The following CDKL5 variants were observed in gnomAD, a reference collection of about 807,000 sequenced individuals.
The protein encoded by CDKL5 is cyclin dependent kinase like 5.
CDKL5 carries 8 observed loss-of-function variants against 61.7 expected under a neutral mutation model. The ratio of observed to expected loss-of-function variants is 0.13; its 90% CI spans 0.08 to 0.23. The LOEUF is 0.23. CDKL5 is among the 10% of genes least tolerant of loss of function. The probability of loss-of-function intolerance (pLI) is 1.00; values close to 1 mark genes in which losing one functional copy is unlikely to be tolerated. For missense variants in CDKL5, 440 were observed against 734.5 expected, an observed-to-expected ratio of 0.60 and a Z score of 4.63; for synonymous variants, 275 against 272.3, an observed-to-expected ratio of 1.01 and a Z score of -0.10.
intron 10 of CDKL5, among the ~76,000 whole-genome samples, chrX:18,595,911 T>C (rs1431216298): frequency 1.8e-5 from 2 of 111,972 alleles, no homozygotes; most frequent in Non-Finnish European, 3.8e-5. Flanking sequence ...GCTAATGCTG[T>C]GGCCTGAGTG....
At chrX:18,505,824 G>T (rs935859737) in intron 1 of CDKL5, among the ~76,000 whole-genome samples, 1 of 112,500 alleles carries the variant, frequency 8.9e-6, no homozygotes, top group Non-Finnish European at 1.9e-5. Context: ...TAGGTATCTT[G>T]TGGATACTTT....
chrX:18,604,862 A>T lies in CDKL5; in HGVS notation c.1938A>T (p.Ser646=). 8.3e-7 allele frequency: 1 copy of T among 1,211,191 alleles called. No individual in the cohort carries two copies. The highest frequency in any genetic ancestry group is 1.1e-6 in the Non-Finnish European group (1 of 895,356). Residue 646 remains serine, a synonymous_variant, in exon 12 of 18, where the codon TCA becomes TCT. Coordinates refer to ENST00000623535, the MANE Select transcript of CDKL5 (RefSeq NM_001323289.2). ...AARANSLQLL[S]PQPGEQLPPE... ...GAGCCAACAGCCTGCAACTCTTGTC[A>T]CCCCAGGTACAGTTGAGCACCTTGA...
downstream of CDKL5, chrX:18,641,874 T>C (rs1342337077): frequency 7.9e-6 from 5 of 634,568 alleles, no homozygotes; most frequent in Non-Finnish European, 9.6e-6. Flanking sequence ...AAAAAAATTA[T>C]CTACCCAGCA....
intron 21 of CDKL5, among the ~76,000 whole-genome samples, chrX:18,652,420 G>C (rs1245974352): frequency 8.9e-6 from 1 of 112,390 alleles, no homozygotes; most frequent in East Asian, 2.8e-4. Flanking sequence ...TGTAATCCCA[G>C]CACTTTGGGA....
At chrX:18,460,477 G>C (rs944777368) in intron 1 of CDKL5, among the ~76,000 whole-genome samples, 1 of 111,157 alleles carries the variant, frequency 9.0e-6, no homozygotes, top group South Asian at 3.8e-4. Flanking sequence ...CCATATCAAG[G>C]TTCTTTTTAT....
chrX:18,622,911 T>C lies in CDKL5; in HGVS notation c.2377-2217T>C, dbSNP rs184539758. On this transcript the variant is annotated intron_variant, in intron 16 of 17. Transcript: ENST00000623535. ...GTTCCTGTCATTGGAACAAGAAAATTTGTGGGATGTTTTACTCAAATCCCT... is the reference window on the plus strand; with the variant it reads ...GTTCCTGTCATTGGAACAAGAAAATCTGTGGGATGTTTTACTCAAATCCCT... 9.4e-3 allele frequency among the ~76,000 whole-genome samples: 1,049 copies of C among 112,065 alleles called. 7 individuals carry two copies. The highest frequency in any genetic ancestry group is 0.014 in the Non-Finnish European group (736 of 53,169).
At chrX:18,470,390 AAAG>A (rs1431800544) in intron 1 of CDKL5, among the ~76,000 whole-genome samples, 3 of 108,866 alleles carry the variant, frequency 2.8e-5, no homozygotes, top group Admixed American at 9.8e-5. Context: ...AAAAAAAAAA[AAAG>A]AAGTAAATGG....
chrX:18,459,526 C>T (rs982244077), intron 1 of CDKL5, among the ~76,000 whole-genome samples: 1 of 108,094 alleles, frequency 9.3e-6, no homozygotes, highest in Non-Finnish European at 1.9e-5. Context: ...CGCGCCACTG[C>T]ACTCCGGCCT....
In CDKL5 at chrX:18,604,447, T is replaced by C. The variant is rs201893287; in HGVS notation, c.1523T>C (p.Ile508Thr). ...AACCTTTCTGAAGCCAGGGCCCAAA[T>C]TGCGGAGCCCAGTACCAGTAGGTAC... ...VSNLSEARAQ[I>T]AEPSTSRYFP... is the part of the protein sequence containing the mutation. The change falls in exon 12 of 18, where the codon ATT (isoleucine) becomes ACT (threonine). Residue 508 changes from isoleucine to threonine, a missense_variant. Physicochemically the swap from Ile to Thr is moderately conservative, Grantham distance 89. This residue lies in a region of CDKL5 where 363 missense variants were observed against 516.3 expected (regional missense o/e 0.70). Coordinates refer to ENST00000623535, the MANE Select transcript of CDKL5 (RefSeq NM_001323289.2). 1.7e-4 allele frequency: 200 copies of C among 1,209,743 alleles called. No homozygotes were observed. Among genetic ancestry groups the C allele is most frequent in the Non-Finnish European group, 2.1e-4 (184 of 895,043 alleles).
At chrX:18,612,670 A>G (rs1926592256) in intron 14 of CDKL5, among the ~76,000 whole-genome samples, 1 of 106,100 alleles carries the variant, frequency 9.4e-6, no homozygotes, top group African/African-American at 3.5e-5. Flanking sequence ...AAAAAAAAAG[A>G]GAGAGAGAAA....
chrX:18,451,544 G>A (rs2075498550), intron 1 of CDKL5, among the ~76,000 whole-genome samples: 1 of 110,559 alleles, frequency 9.0e-6, no homozygotes, highest in Non-Finnish European at 1.9e-5. Context: ...TAATTTAATT[G>A]ATTAATTTTT....
chrX:18,584,378 T>G (rs1569214898), intron 8 of CDKL5, 25 bp downstream of exon 8: 1 of 977,786 alleles, frequency 1.0e-6, no homozygotes, highest in East Asian at 3.0e-5. Context: ...CAAAATAGAA[T>G]GACATTTCCA....
intron 1 of CDKL5, among the ~76,000 whole-genome samples, chrX:18,491,529 C>G (rs1273439392): frequency 2.7e-5 from 3 of 111,449 alleles, no homozygotes; most frequent in Admixed American, 9.6e-5. Context: ...AAAATATTAA[C>G]AAAGTTTAGC....
At chrX:18,624,913 T>C (rs2147175643) in intron 16 of CDKL5, among the ~76,000 whole-genome samples, 1 of 111,903 alleles carries the variant, frequency 8.9e-6, no homozygotes, top group African/African-American at 3.2e-5. Context: ...TGCCAATTTT[T>C]CCTAATGCAG....
At chrX:18,450,578 G>A (rs1357481797) in intron 1 of CDKL5, among the ~76,000 whole-genome samples, 1 of 111,278 alleles carries the variant, frequency 9.0e-6, no homozygotes, top group Non-Finnish European at 1.9e-5. Context: ...GTTACATTTT[G>A]AGGCTTTTTT....
At chrX:18,616,870 C>G (rs1012407247) in intron 15 of CDKL5, among the ~76,000 whole-genome samples, 7 of 110,726 alleles carry the variant, frequency 6.3e-5, no homozygotes, top group Non-Finnish European at 9.4e-5. Flanking sequence ...CAGAGTAATG[C>G]TCCTCACCAC....
Position 18,464,140 on chromosome X carries a change from A to G in CDKL5, c.-163+38445A>G, listed in dbSNP as rs531279894. On this transcript the variant is annotated intron_variant, in intron 1 of 17. Coordinates refer to ENST00000623535, the MANE Select transcript of CDKL5 (RefSeq NM_001323289.2). Reference sequence around the variant, plus strand: ...TATGAGAGAGCACTAGATATTTTCCAGTTACTTTACTTATTACCAATCTGA... The same window carrying G: ...TATGAGAGAGCACTAGATATTTTCCGGTTACTTTACTTATTACCAATCTGA... Among the ~76,000 whole-genome samples, 14 of 110,311 alleles carry G rather than the reference A, an allele frequency of 1.3e-4. No homozygotes were observed. The Admixed American group carries it at 1.4e-3, about 11-fold the overall frequency.
rs750677699 is a variant in CDKL5 at position 18,510,105 on chromosome X, G to C, written c.65-715G>C. 2.7e-5 allele frequency among the ~76,000 whole-genome samples: 3 copies of C among 110,764 alleles called. No homozygotes were observed. The Admixed American group carries it at 2.9e-4, about 11-fold the overall frequency. The stretch of plus-strand genomic sequence containing the variant: ...ACAGATAATGTATTTGGTGGGCTCT[G>C]TGCTTGAGCTTACTACTGGGATGTC... On this transcript the variant is annotated intron_variant, in intron 2 of 17. Transcript: ENST00000623535.
intron 5 of CDKL5, among the ~76,000 whole-genome samples, chrX:18,578,053 A>G (rs899872973): frequency 8.9e-6 from 1 of 112,128 alleles, no homozygotes. Flanking sequence ...TTTTACATAC[A>G]TCATACTCGT....
Sources: allele counts gnomAD v4.1 joint callset (sites outside exome capture counted in the v4.1 genomes callset), GRCh38; gene constraint gnomAD v4.1.1; regional missense constraint gnomAD v4.1.1; transcripts MANE v1.5; gene names NCBI Gene and HGNC (gene_info 2026-07-23, HGNC 2026-07-21).